ATM: variants seen among roughly 807,000 people sequenced by gnomAD.
ATM encodes ATM serine/threonine kinase.
A neutral mutation model predicts 387.0 loss-of-function variants in ATM; 308 were observed. That is an observed-to-expected ratio of 0.80 (90% confidence interval 0.73 to 0.87). The LOEUF (loss-of-function observed/expected upper bound fraction) is 0.87. Among genes scored for constraint, ATM ranks in the 40% least tolerant of loss-of-function variants. The pLI is 0.00. For synonymous variants in ATM, 1,156 were observed against 1,187.3 expected, an observed-to-expected ratio of 0.97 and a Z score of 0.54; for missense variants, 3,312 against 3,560.9, an observed-to-expected ratio of 0.93 and a Z score of 1.78.
intron 1 of ATM, chr11:108,227,176 G>A (rs1438037108): frequency 1.2e-5 from 2 of 160,086 alleles, no homozygotes; most frequent in Admixed American, 6.2e-5. Context: ...CACCAAGCCC[G>A]GCTAATTTTT....
chr11:108,283,252 C>T (rs2082327381), intron 25 of ATM, among the ~76,000 whole-genome samples: 1 of 152,170 alleles, frequency 6.6e-6, no homozygotes, highest in Non-Finnish European at 1.5e-5. Flanking sequence ...TTACTAGTAG[C>T]TGGTTATTTC....
intron 59 of ATM, among the ~76,000 whole-genome samples, chr11:108,352,601 T>G (rs562668393): frequency 6.6e-6 from 1 of 152,158 alleles, no homozygotes. Context: ...AAAATGGCCA[T>G]GTACTACAAA....
At chr11:108,330,146 CAT>C (rs1375698381) in intron 49 of ATM, 66 bp from the exon 50 acceptor site, 13 of 1,513,804 alleles carry the variant, frequency 8.6e-6, no homozygotes, top group South Asian at 1.2e-5. Flanking sequence ...TGTTGTATAT[CAT>C]GTGTGATTTT....
intron 13 of ATM, 82 bp from the exon 14 acceptor site, chr11:108,256,133 T>A: frequency 7.7e-6 from 10 of 1,293,582 alleles, no homozygotes; most frequent in Non-Finnish European, 1.0e-5. Context: ...TTAATATGTA[T>A]GTAGAATTTG....
At chr11:108,270,299 A>T (rs1000889031) in intron 18 of ATM, among the ~76,000 whole-genome samples, 3 of 152,186 alleles carry the variant, frequency 2.0e-5, no homozygotes, top group African/African-American at 7.2e-5. Flanking sequence ...AAAATTCATT[A>T]ATAGTTTTCA....
chr11:108,260,007 A>C (rs2080762209), intron 16 of ATM, among the ~76,000 whole-genome samples: 1 of 145,274 alleles, frequency 6.9e-6, no homozygotes, highest in Non-Finnish European at 1.5e-5. Flanking sequence ...AATAGTATAT[A>C]TGTATATGAA....
In ATM at chr11:108,248,927, T is replaced by C. The variant is rs201686625; in HGVS notation, c.1066-6T>C. 1 of 1,599,526 alleles carries C rather than the reference T, an allele frequency of 6.3e-7. No individual in the cohort carries two copies. On this transcript the variant is annotated splice_region_variant and splice_polypyrimidine_tract_variant and intron_variant, in intron 8 of 62. Transcript: ENST00000675843. ...AGAAAAAAGTGGATTTATTTTTATT[T>C]TACAGGTTTTTAATGAAGATACCAG... is the stretch of plus-strand genomic sequence containing the variant.
At chr11:108,286,312 CAAAAAAAAA>C (rs34917552) in intron 26 of ATM, among the ~76,000 whole-genome samples, 1 of 47,172 alleles carries the variant, frequency 2.1e-5, no homozygotes, top group African/African-American at 8.8e-5. Flanking sequence ...GATTTCGTCT[CAAAAAAAAA>C]AAAAAAAAAA....
chr11:108,301,482 A>G (rs1026362461), intron 34 of ATM, among the ~76,000 whole-genome samples, 166 bp from the exon 35 acceptor site: 2 of 152,228 alleles, frequency 1.3e-5, no homozygotes, highest in Non-Finnish European at 2.9e-5. Flanking sequence ...CTGAATGACT[A>G]GTGAAAGTCC....
chr11:108,304,208 A>T (rs2083563017), intron 36 of ATM, among the ~76,000 whole-genome samples: 1 of 152,258 alleles, frequency 6.6e-6, no homozygotes, highest in African/African-American at 2.4e-5. Flanking sequence ...AAACATTTTT[A>T]ACATGACTGT....
rs751169467 is a variant in ATM, at chr11:108,287,697, A to G, written c.4091A>G (p.Asp1364Gly). ...AATTCTAGTGCCAGTCAGAGCACTGACCTCTGTGACTTTTCAGGGTATGTA... is the reference window on the plus strand; with the variant it reads ...AATTCTAGTGCCAGTCAGAGCACTGGCCTCTGTGACTTTTCAGGGTATGTA... ...PANSSASQSTDLCDFSGDLDP... is the reference protein window; with the variant it reads ...PANSSASQSTGLCDFSGDLDP... Residue 1364 changes from aspartate to glycine, a missense_variant, in exon 27 of 63, where the codon GAC (aspartate) becomes GGC (glycine). By Grantham distance (94) the Asp-to-Gly change is moderately conservative. Coordinates refer to ENST00000675843, the MANE Select transcript of ATM (RefSeq NM_000051.4). The G allele has an allele frequency of 3.7e-6, 6 of 1,612,336 alleles. No individual in the cohort carries two copies. Among genetic ancestry groups the G allele is most frequent in the Admixed American group, 1.7e-5 (1 of 60,000 alleles).
chr11:108,365,382 G>T lies in ATM; in HGVS notation c.9045G>T (p.Glu3015Asp). The T allele has an allele frequency of 6.2e-7, 1 of 1,614,170 alleles. No individual in the cohort carries two copies. Among genetic ancestry groups the T allele is most frequent in the Non-Finnish European group, 8.5e-7 (1 of 1,180,038 alleles). The change falls in exon 63 of 63, where the codon GAG becomes GAT. Residue 3015 changes from glutamate to aspartate, a missense_variant. This residue lies in a region of ATM where 95 missense variants were observed against 100.3 expected (regional missense o/e 0.95). Coordinates refer to ENST00000675843, the MANE Select transcript of ATM (RefSeq NM_000051.4). ...AACGTGTCTTAATGAGACTACAAGAGAAACTGAAAGGAGTGGAAGAAGGCA... is the reference window on the plus strand; with the variant it reads ...AACGTGTCTTAATGAGACTACAAGATAAACTGAAAGGAGTGGAAGAAGGCA... ...VAERVLMRLQ[E>D]KLKGVEEGTV...
At chr11:108,257,415 C>T (rs2135404245) in intron 14 of ATM, 66 bp from the exon 15 acceptor site, 1 of 1,573,708 alleles carries the variant, frequency 6.4e-7, no homozygotes, top group Non-Finnish European at 8.6e-7. Flanking sequence ...TCAAAGTACA[C>T]TGTAAAAAGC....
intron 5 of ATM, among the ~76,000 whole-genome samples, chr11:108,240,423 G>A (rs1290852162): frequency 2.0e-5 from 3 of 152,100 alleles, no homozygotes; most frequent in African/African-American, 7.2e-5. Context: ...TAACAATGTG[G>A]ATATGTTCTG....
intron 9 of ATM, 140 bp from the exon 10 acceptor site, chr11:108,250,561 C>A: frequency 1.0e-6 from 1 of 955,090 alleles, no homozygotes; most frequent in Non-Finnish European, 1.5e-6. Flanking sequence ...CTATTAACAG[C>A]CAGTTTATTT....
intron 4 of ATM, chr11:108,229,570 A>C: frequency 2.4e-6 from 1 of 419,554 alleles, no homozygotes; most frequent in South Asian, 3.2e-5. Context: ...GGTTGTGATC[A>C]ATTCGTTGTA....
chr11:108,250,553 A>C, intron 9 of ATM, 148 bp from the exon 10 acceptor site: 1 of 905,560 alleles, frequency 1.1e-6, no homozygotes, highest in East Asian at 2.6e-5. Context: ...CATAGTAACT[A>C]TTAACAGCCA....
chr11:108,241,565 G>A (rs2079557597), intron 5 of ATM, among the ~76,000 whole-genome samples: 1 of 151,700 alleles, frequency 6.6e-6, no homozygotes, highest in Non-Finnish European at 1.5e-5. Context: ...ACAATCTTAC[G>A]GTACCACCTT....
At chr11:108,266,894 C>T (rs4987967) in intron 16 of ATM, among the ~76,000 whole-genome samples, 1 of 149,758 alleles carries the variant, frequency 6.7e-6, no homozygotes, top group Non-Finnish European at 1.5e-5. Context: ...CTCCTGAGTT[C>T]AAGTGATTCT....
Sources: allele counts gnomAD v4.1 joint callset (sites outside exome capture counted in the v4.1 genomes callset), GRCh38; gene constraint gnomAD v4.1.1; regional missense constraint gnomAD v4.1.1; transcripts MANE v1.5; gene names NCBI Gene and HGNC (gene_info 2026-07-23, HGNC 2026-07-21).